The following RMND1 variants were observed in gnomAD, a reference collection of about 807,000 sequenced individuals.
RMND1 encodes required for meiotic nuclear division protein 1 homolog.
RMND1 carries 41 observed loss-of-function variants against 54.0 expected under a neutral mutation model. The ratio of observed to expected loss-of-function variants is 0.76; its 90% confidence interval spans 0.59 to 0.98. The LOEUF (loss-of-function observed/expected upper bound fraction) is 0.98. Among genes scored for constraint, RMND1 ranks in the 50% least tolerant of loss-of-function variants. The pLI is 0.00. For missense variants in RMND1, 457 were observed against 532.0 expected (o/e 0.86, Z 1.39); for synonymous variants, 183 against 181.7 (o/e 1.01, Z -0.06).
At chr6:151,435,057 C>T (rs1780565009) in intron 3 of RMND1, among the ~76,000 whole-genome samples, 1 of 152,150 alleles carries the variant, frequency 6.6e-6, no homozygotes, top group Non-Finnish European at 1.5e-5. Context: ...CCATGTTGGA[C>T]AGGCTGGTCT....
intron 3 of RMND1, 136 bp downstream of exon 3, chr6:151,436,310 G>C (rs1780611152): frequency 4.4e-6 from 4 of 902,046 alleles, no homozygotes; most frequent in Non-Finnish European, 6.6e-6. Flanking sequence ...TTTATAAAGA[G>C]ATTCAACATC....
At chr6:151,435,596 T>C (rs1266662826) in intron 3 of RMND1, among the ~76,000 whole-genome samples, 1 of 151,560 alleles carries the variant, frequency 6.6e-6, no homozygotes, top group Non-Finnish European at 1.5e-5. Flanking sequence ...TATTTGTATT[T>C]TTAGTAGAGA....
chr6:151,405,891 A>C, intron 10 of RMND1, 55 bp from the exon 11 acceptor site: 1 of 914,302 alleles, frequency 1.1e-6, no homozygotes, highest in Non-Finnish European at 1.8e-6. Context: ...ACGGTCATAC[A>C]CATAAAAATT....
rs751850408 is a variant in RMND1, at chr6:151,422,542, T to A, written c.1001A>T (p.Glu334Val). The A allele has an allele frequency of 6.8e-7, 1 of 1,474,608 alleles. No homozygotes were observed. The highest frequency in any genetic ancestry group is 2.1e-5 in the Admixed American group (1 of 47,204). The allele number at this position is 1,474,608 out of a possible 1,614,324, so 91.3% of individuals were successfully genotyped here. A position where few individuals can be genotyped will look rare whatever the true frequency, so the allele number is the denominator to read the frequency against. Residue 334 changes from glutamate to valine, a missense_variant and splice_region_variant, in exon 8 of 12, where the codon GAG becomes GTG. Physicochemically the swap from Glu to Val is moderately radical, Grantham distance 121. Transcript: ENST00000444024. ...KFIESIQSIP[E>V]ALKAGKKVKL... ...TAAGCATAAAATTGATATAATTACCTCAGGAATTGACTGAATAGATTCAAT... is the reference window on the plus strand; with the variant it reads ...TAAGCATAAAATTGATATAATTACCACAGGAATTGACTGAATAGATTCAAT...
intron 1 of RMND1, among the ~76,000 whole-genome samples, chr6:151,446,854 T>C (rs575404430): frequency 8.6e-5 from 13 of 151,874 alleles, no homozygotes; most frequent in Non-Finnish European, 1.5e-4. Flanking sequence ...TGAGCCAGGA[T>C]TGCCCCACTG....
chr6:151,427,594 G>A lies in RMND1; in HGVS notation c.730-12C>T, dbSNP rs773349734. ...ATCACATGCTTCATCTAGAAGAAAA[G>A]GAAGATTAATCTGAAATCATAACTG... On this transcript the variant is annotated splice_polypyrimidine_tract_variant and intron_variant, in intron 5 of 11. Coordinates refer to ENST00000444024, the MANE Select transcript of RMND1 (RefSeq NM_017909.4). The A allele has an allele frequency of 3.2e-6, 5 of 1,546,968 alleles. No homozygotes were observed. In the South Asian group the frequency reaches 5.6e-5, roughly 17 times the overall value.
In RMND1 at chr6:151,417,394, C is replaced by G; in HGVS notation, c.1085G>C (p.Arg362Pro). 6.3e-7 allele frequency: 1 copy of G among 1,581,164 alleles called. No homozygotes were observed. Among genetic ancestry groups the G allele is most frequent in the Admixed American group, 1.9e-5 (1 of 51,780 alleles). The change falls in exon 10 of 12, where the codon CGT becomes CCT. Residue 362 changes from arginine (R) to proline (P), a missense_variant. Transcript: ENST00000444024. Reference protein sequence around the residue: ...KIGELFALRHRINLSSDFLIT... With the variant: ...KIGELFALRHPINLSSDFLIT... ...CAGGAAGTCTGAACTCAAGTTTATA[C>G]GGTGCCTTTAAAAAGGAAAATTATA...
At chr6:151,426,006 C>T (rs988634560) in intron 6 of RMND1, among the ~76,000 whole-genome samples, 10 of 147,584 alleles carry the variant, frequency 6.8e-5, no homozygotes, top group African/African-American at 2.6e-4. Flanking sequence ...TGCAGTGGTG[C>T]GATCTCAGGT....
chr6:151,425,155 C>T (rs998569523), intron 6 of RMND1, among the ~76,000 whole-genome samples: 1 of 152,184 alleles, frequency 6.6e-6, no homozygotes, highest in Non-Finnish European at 1.5e-5. Context: ...GTTGGCCAGG[C>T]TGGTCTTGAA....
At chr6:151,424,410 C>T (rs2114940112) in intron 6 of RMND1, among the ~76,000 whole-genome samples, 1 of 151,462 alleles carries the variant, frequency 6.6e-6, no homozygotes, top group Non-Finnish European at 1.5e-5. Flanking sequence ...TTGCAGTAAG[C>T]CGAAATCACG....
intron 1 of RMND1, among the ~76,000 whole-genome samples, chr6:151,448,154 C>T (rs1436677513): frequency 6.6e-6 from 1 of 152,158 alleles, no homozygotes; most frequent in East Asian, 1.9e-4. Context: ...CCTAAGATTA[C>T]ATTTGTGCCT....
intron 4 of RMND1, 124 bp downstream of exon 4, chr6:151,433,031 A>C: frequency 1.8e-6 from 1 of 566,278 alleles, no homozygotes; most frequent in South Asian, 2.7e-5. Context: ...TTAAATGATA[A>C]ATTTAAATCA....
At position 151,415,792 on chromosome 6, in the gene RMND1, C is replaced by CA. The variant is rs3029408; in HGVS notation, c.1200+1486dup. On this transcript the variant is annotated intron_variant, in intron 10 of 11. Transcript: ENST00000444024. ...TGGGCAACAGAGCAAGACTCCGTCT[C>CA]AAAAAAAAAAAAAAAAAAAAAGTCA... Among the ~76,000 whole-genome samples, 687 of 93,560 alleles carry CA rather than the reference C, an allele frequency of 7.3e-3. 7 individuals carry two copies. The highest frequency in any genetic ancestry group is 0.011 in the Non-Finnish European group (489 of 44,906). 61.4% of individuals were successfully genotyped at this position (93,560 alleles called of 152,430 possible). A position where few individuals can be genotyped will look rare whatever the true frequency, so the allele number is the denominator to read the frequency against.
chr6:151,409,128 A>G (rs1260571698), intron 10 of RMND1, among the ~76,000 whole-genome samples: 1 of 152,242 alleles, frequency 6.6e-6, no homozygotes, highest in Non-Finnish European at 1.5e-5. Flanking sequence ...GAAAAGGTCC[A>G]GTCTGGAGAC....
intron 9 of RMND1, among the ~76,000 whole-genome samples, chr6:151,419,907 T>C (rs1229710511): frequency 6.6e-6 from 1 of 152,036 alleles, no homozygotes; most frequent in Admixed American, 6.6e-5. Context: ...TGTGTATGCA[T>C]ATAAAGATAA....
chr6:151,445,713 A>G lies in RMND1; in HGVS notation c.99T>C (p.Leu33=). The G allele has an allele frequency of 6.2e-7, 1 of 1,614,128 alleles. No homozygotes were observed. The highest frequency in any genetic ancestry group is 1.3e-5 in the African/African-American group (1 of 75,044). Residue 33 remains leucine (L), a synonymous_variant, in exon 2 of 12, where the codon CTT becomes CTC. Transcript: ENST00000444024. ...RRIGHLMLKP[L]KEFENTTCST... The stretch of plus-strand genomic sequence containing the variant: ...TGCATGTTGTATTTTCAAATTCCTT[A>G]AGTGGTTTTAACATTAGATGACCGA...
chr6:151,450,741 C>T (rs915779261), intron 1 of RMND1, among the ~76,000 whole-genome samples: 5 of 150,708 alleles, frequency 3.3e-5, no homozygotes, highest in South Asian at 4.3e-4. Context: ...ATGACAATGG[C>T]GGTTTTGTGT....
At chr6:151,425,915 TCCAAGTCTTC>T (rs1208190673) in intron 6 of RMND1, among the ~76,000 whole-genome samples, 1 of 151,152 alleles carries the variant, frequency 6.6e-6, no homozygotes, top group African/African-American at 2.4e-5. Context: ...CTGTCTCTCT[TCCAAGTCTTC>T]CCAAAGCTCT....
chr6:151,431,804 T>C (rs2114951746), intron 4 of RMND1, among the ~76,000 whole-genome samples: 1 of 152,372 alleles, frequency 6.6e-6, no homozygotes, highest in East Asian at 1.9e-4. Flanking sequence ...ATTGTTAAAT[T>C]AATTTCATGT....
Sources: allele counts gnomAD v4.1 joint callset (sites outside exome capture counted in the v4.1 genomes callset), GRCh38; gene constraint gnomAD v4.1.1; transcripts MANE v1.5; gene names NCBI Gene and HGNC (gene_info 2026-07-23, HGNC 2026-07-21).